PPP3CA: variants seen among roughly 807,000 people sequenced by gnomAD.
The protein encoded by PPP3CA is protein phosphatase 3 catalytic subunit alpha, also known as CAM-PRP catalytic subunit.
PPP3CA carries 14 observed loss-of-function variants against 66.5 expected under a neutral mutation model. The observed-to-expected ratio is 0.21, with a 90% CI of 0.14 to 0.33. The LOEUF (loss-of-function observed/expected upper bound fraction) is 0.33. PPP3CA is among the 10% of genes least tolerant of loss of function. The pLI, the probability that PPP3CA is intolerant of heterozygous loss-of-function variation, is 1.00. For missense variants in PPP3CA, 317 were observed against 639.5 expected (o/e 0.50, Z 5.44); for synonymous variants, 232 against 226.2 (o/e 1.03, Z -0.23).
chr4:101,346,643 C>A (rs1339338616), intron 1 of PPP3CA, 96 bp downstream of exon 1: 3 of 1,087,216 alleles, frequency 2.8e-6, no homozygotes, highest in Non-Finnish European at 4.1e-6. Context: ...CAGAGGAGAA[C>A]CTGGGGCGGG....
In PPP3CA at chr4:101,032,248, T is replaced by C; in HGVS notation, c.1339+19A>G. On this transcript the variant is annotated intron_variant, in intron 12 of 13. Transcript: ENST00000394854. ...ACTGCGATGCCCCAGCACACAGTCA[T>C]ACCCATCAGCCTGCTTACCGCTTTG... 2 of 1,569,454 alleles carry C rather than the reference T, an allele frequency of 1.3e-6. No homozygotes were observed. The highest frequency in any genetic ancestry group is 1.7e-6 in the Non-Finnish European group (2 of 1,155,182).
At chr4:101,101,758 T>C (rs1730452567) in intron 3 of PPP3CA, among the ~76,000 whole-genome samples, 1 of 152,176 alleles carries the variant, frequency 6.6e-6, no homozygotes, top group Non-Finnish European at 1.5e-5. Context: ...CATTTCAGCA[T>C]TCAGATGGCT....
At chr4:101,074,004 T>C (rs771779562) in intron 8 of PPP3CA, among the ~76,000 whole-genome samples, 1 of 152,212 alleles carries the variant, frequency 6.6e-6, no homozygotes, top group South Asian at 2.1e-4. Context: ...CTGGGAAAAC[T>C]GTTGTTACGG....
At chr4:101,320,848 A>T (rs1221685284) in intron 1 of PPP3CA, among the ~76,000 whole-genome samples, 1 of 152,132 alleles carries the variant, frequency 6.6e-6, no homozygotes, top group Non-Finnish European at 1.5e-5. Flanking sequence ...TGTCAGGCTT[A>T]TTCTGAGATC....
chr4:101,259,373 CAAT>C (rs1297270175), intron 1 of PPP3CA, among the ~76,000 whole-genome samples: 13 of 143,746 alleles, frequency 9.0e-5, no homozygotes, highest in Non-Finnish European at 1.6e-4. Flanking sequence ...CAAGCATCCA[CAAT>C]GAGCCTGGAT....
At chr4:101,137,894 A>C (rs1448915839) in intron 2 of PPP3CA, among the ~76,000 whole-genome samples, 4 of 151,928 alleles carry the variant, frequency 2.6e-5, no homozygotes, top group Non-Finnish European at 5.9e-5. Context: ...CAAAAAAAAA[A>C]AAAAACCTTC....
chr4:101,292,687 GACAA>G, intron 1 of PPP3CA, among the ~76,000 whole-genome samples: 1 of 152,146 alleles, frequency 6.6e-6, no homozygotes, highest in Non-Finnish European at 1.5e-5. Context: ...TTAAAAGACT[GACAA>G]ACTAAATGGA....
intron 1 of PPP3CA, among the ~76,000 whole-genome samples, chr4:101,209,950 T>A (rs1725249168): frequency 6.6e-6 from 1 of 152,040 alleles, no homozygotes; most frequent in Admixed American, 6.6e-5. Context: ...GAAAACTAGT[T>A]ATTACAAAAA....
chr4:101,249,920 A>T (rs957365652), intron 1 of PPP3CA, among the ~76,000 whole-genome samples: 2 of 152,090 alleles, frequency 1.3e-5, no homozygotes, highest in East Asian at 3.9e-4. Context: ...TTTCTAGTGA[A>T]TTTTTCCCAA....
In PPP3CA at chr4:101,025,945, G is replaced by T. The variant is rs867409069; in HGVS notation, c.1486C>A (p.Leu496Ile). ...RRDAMPSDAN[L>I]NSINKALTSE... is the part of the protein sequence containing the mutation. ...GTGAGAGCCTTGTTGATGGAGTTAA[G>T]GTTGGCGTCAGAGGGCATGGCATCT... Residue 496 changes from leucine to isoleucine, a missense_variant, in exon 14 of 14, where the codon CTT becomes ATT. Physicochemically the swap from Leu to Ile is conservative, Grantham distance 5 (BLOSUM62 2). This residue lies in a region of PPP3CA where 40 missense variants were observed against 38.6 expected (regional missense o/e 1.04). Transcript: ENST00000394854. The T allele has an allele frequency of 1.2e-6, 2 of 1,613,328 alleles. No homozygotes were observed. The highest frequency in any genetic ancestry group is 2.2e-5 in the South Asian group (2 of 91,048).
At chr4:101,211,525 C>A (rs560290784) in intron 1 of PPP3CA, among the ~76,000 whole-genome samples, 4 of 152,226 alleles carry the variant, frequency 2.6e-5, no homozygotes, top group South Asian at 2.1e-4. Flanking sequence ...TTGCTCCCAG[C>A]CTTAAAAGAG....
chr4:101,071,643 A>G (rs1359965140), intron 8 of PPP3CA, among the ~76,000 whole-genome samples: 1 of 152,200 alleles, frequency 6.6e-6, no homozygotes, highest in Non-Finnish European at 1.5e-5. Context: ...GTGGCAGAAG[A>G]GCACTTGGCA....
chr4:101,084,559 C>T (rs941369321), intron 6 of PPP3CA, among the ~76,000 whole-genome samples: 1 of 151,746 alleles, frequency 6.6e-6, no homozygotes, highest in Non-Finnish European at 1.5e-5. Context: ...AGGAGAATCG[C>T]TTGAACCCAG....
intron 1 of PPP3CA, among the ~76,000 whole-genome samples, chr4:101,284,833 A>T (rs1727788491): frequency 6.6e-6 from 1 of 152,202 alleles, no homozygotes; most frequent in Non-Finnish European, 1.5e-5. Flanking sequence ...TTTATGTTCA[A>T]ATATTCCACA....
intron 1 of PPP3CA, among the ~76,000 whole-genome samples, chr4:101,242,754 CCT>C (rs974051323): frequency 1.3e-5 from 2 of 152,008 alleles, no homozygotes; most frequent in African/African-American, 4.8e-5. Context: ...TAGCAAGACC[CCT>C]GTCTCTACAA....
chr4:101,205,254 T>C (rs1296422676), intron 1 of PPP3CA, among the ~76,000 whole-genome samples: 3 of 152,100 alleles, frequency 2.0e-5, no homozygotes, highest in Non-Finnish European at 4.4e-5. Context: ...AACATGATAA[T>C]TATTCCTTAG....
intron 1 of PPP3CA, among the ~76,000 whole-genome samples, chr4:101,237,442 T>C (rs968622369): frequency 6.6e-6 from 1 of 152,040 alleles, no homozygotes; most frequent in South Asian, 2.1e-4. Context: ...AAAAATATTA[T>C]ACACGATCAA....
At chr4:101,236,154 A>G (rs73833275) in intron 1 of PPP3CA, among the ~76,000 whole-genome samples, 9,506 of 152,066 alleles carry the variant, frequency 0.063, 927 homozygotes, top group African/African-American at 0.21. Flanking sequence ...AAATTATAGC[A>G]AATGCAATGA....
At position 101,029,305 on chromosome 4, in the gene PPP3CA, T is replaced by TGTAA. The variant is rs796766946; in HGVS notation, c.1340-114_1340-111dup. 64 of 748,548 alleles carry TGTAA rather than the reference T, an allele frequency of 8.5e-5. No homozygotes were observed. In the African/African-American group the frequency reaches 1.1e-3, roughly 13 times the overall value. 46.4% of individuals were successfully genotyped at this position (748,548 alleles called of 1,614,324 possible). ...AAGGAGCTAAGAGAACTAATGTTCCTGTAAGTGCTAGATTCTGGCACAGAC... is the reference window on the plus strand; with the variant it reads ...AAGGAGCTAAGAGAACTAATGTTCCTGTAAGTAAGTGCTAGATTCTGGCACAGAC... On this transcript the variant is annotated intron_variant, in intron 12 of 13. Transcript: ENST00000394854.
Sources: gnomAD v4.1 joint callset for allele counts (sites outside exome capture counted in the v4.1 genomes callset) on GRCh38, gnomAD v4.1.1 for gene constraint, gnomAD v4.1.1 regional missense constraint, MANE v1.5 for transcripts, NCBI Gene and HGNC (gene_info 2026-07-23, HGNC 2026-07-21) for gene names.